VSTM4: variants seen among roughly 807,000 people sequenced by gnomAD.
VSTM4 encodes V-set and transmembrane domain-containing protein 4.
Under a neutral mutation model 36.4 loss-of-function variants are expected in VSTM4, and 20 were observed. The ratio of observed to expected loss-of-function variants is 0.55; its 90% CI spans 0.39 to 0.80. The LOEUF (loss-of-function observed/expected upper bound fraction) is 0.80, where lower values mean the gene tolerates loss of function less well. Among genes scored for constraint, VSTM4 ranks in the 30% least tolerant of loss-of-function variants. VSTM4 has a pLI of 0.00. For missense variants in VSTM4, 392 were observed against 404.5 expected (o/e 0.97, Z 0.26); for synonymous variants, 182 against 173.9 (o/e 1.05, Z -0.37).
At chr10:49,036,196 C>T (rs563132552) in intron 7 of VSTM4, among the ~76,000 whole-genome samples, 28 of 152,274 alleles carry the variant, frequency 1.8e-4, no homozygotes, top group East Asian at 9.7e-4. Context: ...TTCTGTTTTC[C>T]GCACGCCCAT....
intron 2 of VSTM4, among the ~76,000 whole-genome samples, chr10:49,092,620 G>C (rs928058815): frequency 6.6e-6 from 1 of 152,182 alleles, no homozygotes; most frequent in Admixed American, 6.5e-5. Flanking sequence ...GTAGAGGAGG[G>C]CGTGGTCCCT....
intron 4 of VSTM4, among the ~76,000 whole-genome samples, chr10:49,071,570 TGGGGTGAGGGC>T (rs1234964437): frequency 6.6e-5 from 10 of 152,286 alleles, no homozygotes; most frequent in African/African-American, 2.4e-4. Flanking sequence ...GTGCCAGGCT[TGGGGTGAGGGC>T]AGAGAAGCAG....
At chr10:49,040,741 C>G (rs140209068) in intron 7 of VSTM4, among the ~76,000 whole-genome samples, 14 of 152,148 alleles carry the variant, frequency 9.2e-5, no homozygotes, top group Admixed American at 9.2e-4. Flanking sequence ...CATAAAGATA[C>G]GTGCTTTTCA....
rs560541901 is a variant in VSTM4, at chr10:49,019,568, C to T, written c.*82G>A. On this transcript the variant is annotated 3_prime_UTR_variant, in exon 8 of 8. Coordinates refer to ENST00000332853, the MANE Select transcript of VSTM4 (RefSeq NM_001031746.5). ...CACTCAGAAGGCATGAGTGAAAATA[C>T]AGACATAAGGGCTTTGTCTCCAAGG... 51 of 1,475,032 alleles carry T rather than the reference C, an allele frequency of 3.5e-5. 1 individual carries two copies. In the South Asian group the frequency reaches 6.4e-4, roughly 19 times the overall value. The allele number at this position is 1,475,032 out of a possible 1,614,324, so 91.4% of individuals were successfully genotyped here.
intron 7 of VSTM4, among the ~76,000 whole-genome samples, chr10:49,023,564 A>C (rs1843212649): frequency 6.6e-6 from 1 of 152,228 alleles, no homozygotes; most frequent in South Asian, 2.1e-4. Flanking sequence ...AGGTGGTTGC[A>C]ATGGGGCACA....
intron 3 of VSTM4, among the ~76,000 whole-genome samples, chr10:49,081,253 A>C (rs1310990617): frequency 1.3e-5 from 2 of 152,224 alleles, no homozygotes; most frequent in East Asian, 3.9e-4. Flanking sequence ...TCAGGCTGCC[A>C]GGCCGACAGA....
At chr10:49,091,117 G>A (rs561439048) in intron 2 of VSTM4, among the ~76,000 whole-genome samples, 1 of 152,354 alleles carries the variant, frequency 6.6e-6, no homozygotes, top group East Asian at 1.9e-4. Flanking sequence ...ACTAAAGTGG[G>A]TTTTTATATC....
chr10:49,100,951 G>A (rs530477198), intron 2 of VSTM4, among the ~76,000 whole-genome samples: 1 of 152,204 alleles, frequency 6.6e-6, no homozygotes, highest in East Asian at 1.9e-4. Context: ...AACAGACAGT[G>A]TAGGGATAAC....
At chr10:49,068,439 A>C (rs1844012940) in intron 4 of VSTM4, among the ~76,000 whole-genome samples, 1 of 152,176 alleles carries the variant, frequency 6.6e-6, no homozygotes, top group African/African-American at 2.4e-5. Context: ...CGATGAGGCC[A>C]GACAGTGCCA....
intron 7 of VSTM4, among the ~76,000 whole-genome samples, chr10:49,020,878 A>T (rs1843173503): frequency 6.6e-6 from 1 of 152,132 alleles, no homozygotes; most frequent in Non-Finnish European, 1.5e-5. Context: ...AAAGATAGAT[A>T]ATCATATTCA....
intron 5 of VSTM4, among the ~76,000 whole-genome samples, chr10:49,050,238 T>C (rs1001540414): frequency 1.3e-5 from 2 of 152,196 alleles, no homozygotes; most frequent in African/African-American, 4.8e-5. Context: ...AGAATATATA[T>C]TAGCATTTGC....
At position 49,017,196 on chromosome 10, in the gene VSTM4, T is replaced by C. The variant is rs887384691; in HGVS notation, c.*2454A>G. ...GACAAAGAATGAATGAGTGGGCACA[T>C]TTTTTTAAGCTTACTATGGCAATAA... On this transcript the variant is annotated 3_prime_UTR_variant, in exon 8 of 8. Coordinates refer to ENST00000332853, the MANE Select transcript of VSTM4 (RefSeq NM_001031746.5). 4 of 152,212 alleles carry C rather than the reference T, an allele frequency of 2.6e-5. No individual in the cohort carries two copies. Among genetic ancestry groups the C allele is most frequent in the Non-Finnish European group, 4.4e-5 (3 of 68,024 alleles). 9.4% of individuals were successfully genotyped at this position (152,212 alleles called of 1,614,324 possible). A position where few individuals can be genotyped will look rare whatever the true frequency, so the allele number is the denominator to read the frequency against.
intron 3 of VSTM4, among the ~76,000 whole-genome samples, chr10:49,083,190 T>A (rs1311895468): frequency 2.6e-5 from 4 of 152,254 alleles, no homozygotes; most frequent in African/African-American, 7.2e-5. Context: ...GACATAAGGC[T>A]GTGTATTTCT....
At chr10:49,048,893 G>A (rs1336529854) in intron 5 of VSTM4, among the ~76,000 whole-genome samples, 1 of 152,208 alleles carries the variant, frequency 6.6e-6, no homozygotes, top group Admixed American at 6.5e-5. Context: ...ACATTGCCTA[G>A]GGATGCATGG....
intron 7 of VSTM4, among the ~76,000 whole-genome samples, chr10:49,033,881 T>C (rs1207263275): frequency 6.6e-6 from 1 of 152,108 alleles, no homozygotes; most frequent in Non-Finnish European, 1.5e-5. Context: ...ATCATTATCA[T>C]CATTATTACC....
At chr10:49,046,282 A>C (rs920688109) in intron 7 of VSTM4, among the ~76,000 whole-genome samples, 6 of 152,228 alleles carry the variant, frequency 3.9e-5, no homozygotes, top group Non-Finnish European at 7.3e-5. Flanking sequence ...ATTCTAAAAA[A>C]TCACTGGCCA....
chr10:49,093,551 A>ACAATTTGAATTGAAGC, intron 2 of VSTM4, among the ~76,000 whole-genome samples: 1 of 152,238 alleles, frequency 6.6e-6, no homozygotes, highest in South Asian at 2.1e-4. Flanking sequence ...GAAACTGGAG[A>ACAATTTGAATTGAAGC]CAATTTGAAT....
At chr10:49,024,877 T>C (rs887456803) in intron 7 of VSTM4, among the ~76,000 whole-genome samples, 1 of 152,142 alleles carries the variant, frequency 6.6e-6, no homozygotes, top group African/African-American at 2.4e-5. Flanking sequence ...TGAATCTTGT[T>C]CCCCAAATTT....
intron 5 of VSTM4, among the ~76,000 whole-genome samples, chr10:49,049,315 C>A (rs1173074197): frequency 4.6e-5 from 7 of 152,184 alleles, no homozygotes; most frequent in African/African-American, 1.7e-4. Context: ...GGTAAGAAGG[C>A]CAAGGCTTAA....
Sources: gnomAD v4.1 joint callset for allele counts (sites outside exome capture counted in the v4.1 genomes callset) on GRCh38, gnomAD v4.1.1 for gene constraint, MANE v1.5 for transcripts, NCBI Gene and HGNC (gene_info 2026-07-23, HGNC 2026-07-21) for gene names.